The following LRP1B variants were observed in gnomAD, a reference collection of about 807,000 sequenced individuals.
LRP1B encodes the protein low-density lipoprotein receptor-related protein 1B.
A neutral mutation model predicts 556.6 loss-of-function variants in LRP1B; 217 were observed. The observed-to-expected ratio is 0.39, with a 90% CI of 0.35 to 0.44. The LOEUF is 0.44. Ranked by LOEUF, LRP1B falls within the 20% of genes least tolerant of loss-of-function variation. The pLI, the probability that LRP1B is intolerant of heterozygous loss-of-function variation, is 1.00. For synonymous variants in LRP1B, 2,047 were observed against 1,865.8 expected (o/e 1.10, Z -2.50); for missense variants, 5,053 against 5,620.8 (o/e 0.90, Z 3.23).
At chr2:140,282,992 C>A (rs548405802) in intron 84 of LRP1B, among the ~76,000 whole-genome samples, 93 of 151,830 alleles carry the variant, frequency 6.1e-4, no homozygotes, top group African/African-American at 2.2e-3. Context: ...CATCTAATTT[C>A]GGATGAGGAC....
intron 2 of LRP1B, among the ~76,000 whole-genome samples, chr2:141,570,729 G>A (rs1686496037): frequency 6.6e-6 from 1 of 151,320 alleles, no homozygotes; most frequent in South Asian, 2.1e-4. Flanking sequence ...AGCCAAGGAG[G>A]CTGGACGGCT....
intron 83 of LRP1B, among the ~76,000 whole-genome samples, chr2:140,310,736 C>G (rs999752306): frequency 6.6e-6 from 1 of 151,848 alleles, no homozygotes; most frequent in African/African-American, 2.4e-5. Flanking sequence ...TCACCATATA[C>G]AAAAACAAAC....
chr2:141,756,751 T>C (rs1306710015), intron 2 of LRP1B, among the ~76,000 whole-genome samples: 2 of 152,158 alleles, frequency 1.3e-5, no homozygotes, highest in African/African-American at 4.8e-5. Context: ...TACAGTAACA[T>C]GCTGTCTAGG....
intron 14 of LRP1B, among the ~76,000 whole-genome samples, chr2:141,011,098 A>G (rs1697735644): frequency 6.7e-6 from 1 of 148,642 alleles, no homozygotes; most frequent in South Asian, 2.1e-4. Flanking sequence ...AGAGAGAGAG[A>G]CTGTATGGTT....
chr2:141,523,617 A>T (rs987046118), intron 2 of LRP1B, among the ~76,000 whole-genome samples: 2 of 152,192 alleles, frequency 1.3e-5, no homozygotes, highest in African/African-American at 4.8e-5. Flanking sequence ...CAAGTTACAA[A>T]TAATTTCAAA....
At chr2:141,096,681 A>AGG (rs1700328884) in intron 7 of LRP1B, among the ~76,000 whole-genome samples, 3 of 130,588 alleles carry the variant, frequency 2.3e-5, no homozygotes, top group African/African-American at 8.1e-5. Context: ...AGAGAGAGAG[A>AGG]GAGAGAGAGA....
At chr2:140,481,578 TTTATTATTATTATTA>T (rs539100695) in intron 59 of LRP1B, among the ~76,000 whole-genome samples, 22 of 137,122 alleles carry the variant, frequency 1.6e-4, no homozygotes, top group South Asian at 1.2e-3. Context: ...GGTAGCCATC[TTTATTATTATTATTA>T]TTATTATTAT....
intron 41 of LRP1B, among the ~76,000 whole-genome samples, chr2:140,611,652 T>A (rs1047770145): frequency 6.6e-6 from 1 of 152,028 alleles, no homozygotes; most frequent in African/African-American, 2.4e-5. Flanking sequence ...TTCCAGTAAA[T>A]AAGCAGTGTG....
chr2:141,983,395 T>C (rs1366764531), intron 1 of LRP1B, among the ~76,000 whole-genome samples: 1 of 152,176 alleles, frequency 6.6e-6, no homozygotes, highest in Non-Finnish European at 1.5e-5. Context: ...CAAAACCCTA[T>C]GCATTTCACC....
chr2:141,844,205 C>G (rs1697567899), intron 1 of LRP1B, among the ~76,000 whole-genome samples: 1 of 152,056 alleles, frequency 6.6e-6, no homozygotes, highest in Admixed American at 6.6e-5. Flanking sequence ...CATCTACTTA[C>G]CTTCTACTCA....
intron 25 of LRP1B, among the ~76,000 whole-genome samples, chr2:140,873,817 T>A (rs1460354481): frequency 6.6e-6 from 1 of 151,918 alleles, no homozygotes; most frequent in Non-Finnish European, 1.5e-5. Flanking sequence ...AAAAAGTATG[T>A]CCTTTTTAAA....
chr2:140,313,154 C>T (rs1684379814), intron 83 of LRP1B, among the ~76,000 whole-genome samples: 1 of 151,774 alleles, frequency 6.6e-6, no homozygotes, highest in Non-Finnish European at 1.5e-5. Flanking sequence ...TTTTAAGTGA[C>T]TTAATTACAT....
In LRP1B at chr2:142,063,125, T is replaced by G. The variant is rs1007134450; in HGVS notation, c.82+67523A>C. Among the ~76,000 whole-genome samples the G allele has an allele frequency of 4.9e-4, 74 of 151,478 alleles. 1 individual carries two copies. The highest frequency in any genetic ancestry group is 4.2e-3 in the Admixed American group (64 of 15,162). ...ATATTCCTCTAAAAAATCCATTTATTGAGAGTTTATTTGTATTATTATTAT... is the reference window on the plus strand; with the variant it reads ...ATATTCCTCTAAAAAATCCATTTATGGAGAGTTTATTTGTATTATTATTAT... On this transcript the variant is annotated intron_variant, in intron 1 of 90. Transcript: ENST00000389484.
chr2:141,074,423 A>G (rs982526789), intron 7 of LRP1B, among the ~76,000 whole-genome samples: 4 of 151,984 alleles, frequency 2.6e-5, no homozygotes, highest in Non-Finnish European at 4.4e-5. Context: ...CTTGCATAAA[A>G]TAGATACAAA....
chr2:142,093,333 C>T (rs138534730), intron 1 of LRP1B, among the ~76,000 whole-genome samples: 1 of 152,090 alleles, frequency 6.6e-6, no homozygotes, highest in East Asian at 1.9e-4. Context: ...TTTTACTGAC[C>T]ACAAAATGTG....
chr2:140,519,959 A>G (rs914119240), intron 49 of LRP1B, among the ~76,000 whole-genome samples: 3 of 152,124 alleles, frequency 2.0e-5, no homozygotes, highest in African/African-American at 7.2e-5. Context: ...AAAAGTCAGG[A>G]AACAACAGGT....
chr2:140,747,486 A>T (rs1026484745), intron 35 of LRP1B, among the ~76,000 whole-genome samples: 1 of 152,166 alleles, frequency 6.6e-6, no homozygotes, highest in Non-Finnish European at 1.5e-5. Context: ...TGTAGCCTCA[A>T]AATGCACATA....
chr2:140,461,518 C>G (rs1397467763), intron 60 of LRP1B, among the ~76,000 whole-genome samples: 1 of 152,048 alleles, frequency 6.6e-6, no homozygotes, highest in Non-Finnish European at 1.5e-5. Context: ...TTATGCCCAG[C>G]AATCACTGTA....
chr2:141,615,302 C>G (rs1190230884), intron 2 of LRP1B, among the ~76,000 whole-genome samples: 9 of 152,174 alleles, frequency 5.9e-5, no homozygotes, highest in Non-Finnish European at 1.3e-4. Context: ...TAAAGTAGTT[C>G]TGCTTCAAGA....
Sources: gnomAD v4.1 joint callset for allele counts (sites outside exome capture counted in the v4.1 genomes callset) on GRCh38, gnomAD v4.1.1 for gene constraint, MANE v1.5 for transcripts, NCBI Gene and HGNC (gene_info 2026-07-23, HGNC 2026-07-21) for gene names.